The following AKAP6 variants were observed in gnomAD, a reference collection of about 807,000 sequenced individuals.
AKAP6 encodes A-kinase anchoring protein 6, also known as A-kinase anchor protein 6.
In AKAP6, 58 loss-of-function variants were observed where a neutral mutation model predicts 188.5. The ratio of observed to expected loss-of-function variants is 0.31; its 90% CI spans 0.25 to 0.38. AKAP6 has a LOEUF of 0.38. Ranked by LOEUF, AKAP6 falls within the 10% of genes least tolerant of loss-of-function variation. The pLI is 1.00. For synonymous variants in AKAP6, 989 were observed against 998.6 expected, an observed-to-expected ratio of 0.99 and a Z score of 0.18; for missense variants, 2,710 against 2,740.0, an observed-to-expected ratio of 0.99 and a Z score of 0.24.
intron 2 of AKAP6, among the ~76,000 whole-genome samples, chr14:32,475,643 T>G (rs1879023761): frequency 6.6e-6 from 1 of 151,620 alleles, no homozygotes; most frequent in African/African-American, 2.4e-5. Context: ...CTTAATCTGA[T>G]GAGCAGAGTC....
chr14:32,533,280 G>A (rs948414615), intron 2 of AKAP6, among the ~76,000 whole-genome samples: 2 of 152,172 alleles, frequency 1.3e-5, no homozygotes, highest in African/African-American at 2.4e-5. Flanking sequence ...GGAGGAAGAT[G>A]GTAAGGTTTA....
chr14:32,622,883 A>G (rs1761548663), intron 7 of AKAP6, among the ~76,000 whole-genome samples: 1 of 152,162 alleles, frequency 6.6e-6, no homozygotes, highest in Non-Finnish European at 1.5e-5. Flanking sequence ...GGAAGCAGAG[A>G]GAATGAATCT....
At chr14:32,759,116 T>C (rs374143182) in intron 11 of AKAP6, among the ~76,000 whole-genome samples, 2 of 152,232 alleles carry the variant, frequency 1.3e-5, no homozygotes, top group East Asian at 3.8e-4. Flanking sequence ...ATGGCCTAAC[T>C]TATCTCTTTT....
chr14:32,596,709 G>GAA (rs1885718284), intron 5 of AKAP6, among the ~76,000 whole-genome samples: 1 of 152,148 alleles, frequency 6.6e-6, no homozygotes, highest in African/African-American at 2.4e-5. Flanking sequence ...TATGGATATT[G>GAA]CAGAGGGACT....
At chr14:32,710,043 C>T (rs1006729066) in intron 9 of AKAP6, among the ~76,000 whole-genome samples, 2 of 151,906 alleles carry the variant, frequency 1.3e-5, no homozygotes, top group African/African-American at 4.8e-5. Flanking sequence ...TGGATTTCTC[C>T]ATCAGGTTTT....
chr14:32,555,226 C>G (rs533070697), intron 4 of AKAP6, among the ~76,000 whole-genome samples: 1 of 152,186 alleles, frequency 6.6e-6, no homozygotes, highest in Non-Finnish European at 1.5e-5. Flanking sequence ...GGTAGCAGCA[C>G]AAATGTGGCT....
chr14:32,498,287 A>G (rs898460122), intron 2 of AKAP6, among the ~76,000 whole-genome samples: 6 of 152,168 alleles, frequency 3.9e-5, no homozygotes, highest in Non-Finnish European at 8.8e-5. Flanking sequence ...ATGCTGGCTG[A>G]ATATCAGTCC....
At chr14:32,795,853 T>C (rs2033753371) in intron 12 of AKAP6, among the ~76,000 whole-genome samples, 1 of 152,178 alleles carries the variant, frequency 6.6e-6, no homozygotes, top group African/African-American at 2.4e-5. Flanking sequence ...CATCTTTGTT[T>C]GCAGATGACA....
At chr14:32,802,898 G>A (rs1489559915) in intron 12 of AKAP6, among the ~76,000 whole-genome samples, 1 of 152,152 alleles carries the variant, frequency 6.6e-6, no homozygotes, top group African/African-American at 2.4e-5. Flanking sequence ...AGTAGTTCAA[G>A]ACCAGCCTGG....
At chr14:32,738,552 T>G (rs2031539441) in intron 11 of AKAP6, among the ~76,000 whole-genome samples, 1 of 152,164 alleles carries the variant, frequency 6.6e-6, no homozygotes, top group African/African-American at 2.4e-5. Context: ...ATACACTAAT[T>G]ATGTAAGTCA....
chr14:32,447,685 C>G (rs191556232), intron 2 of AKAP6, among the ~76,000 whole-genome samples: 3 of 152,292 alleles, frequency 2.0e-5, no homozygotes, highest in Admixed American at 2.0e-4. Context: ...TTTATTAATT[C>G]AACTCTTCAA....
chr14:32,579,721 G>A (rs73255099), intron 5 of AKAP6, among the ~76,000 whole-genome samples: 1 of 152,024 alleles, frequency 6.6e-6, no homozygotes, highest in African/African-American at 2.4e-5. Context: ...GATCAATATT[G>A]TCATTTTTAT....
chr14:32,407,670 G>A (rs778773046), intron 1 of AKAP6, among the ~76,000 whole-genome samples: 4 of 152,152 alleles, frequency 2.6e-5, no homozygotes, highest in Non-Finnish European at 4.4e-5. Flanking sequence ...AGTTCCTAGT[G>A]TTTTTCAGGA....
At chr14:32,496,821 C>A (rs117814095) in intron 2 of AKAP6, among the ~76,000 whole-genome samples, 2,611 of 152,178 alleles carry the variant, frequency 0.017, 25 homozygotes, top group South Asian at 0.051. Context: ...GAAAGGTTAG[C>A]CTTAAGTGCC....
intron 4 of AKAP6, among the ~76,000 whole-genome samples, chr14:32,575,422 G>A (rs796335195): frequency 2.3e-4 from 35 of 152,202 alleles, no homozygotes; most frequent in African/African-American, 8.4e-4. Flanking sequence ...ACCTCACCTG[G>A]AAGAAAATCT....
At chr14:32,409,811 G>T (rs1889422371) in intron 1 of AKAP6, among the ~76,000 whole-genome samples, 1 of 152,120 alleles carries the variant, frequency 6.6e-6, no homozygotes, top group African/African-American at 2.4e-5. Context: ...CAGAACCTCA[G>T]AGGCATTCCA....
At chr14:32,787,852 G>A (rs1243291817) in intron 12 of AKAP6, among the ~76,000 whole-genome samples, 1 of 151,640 alleles carries the variant, frequency 6.6e-6, no homozygotes, top group Non-Finnish European at 1.5e-5. Flanking sequence ...ATATATGCAA[G>A]TACATTACAT....
chr14:32,490,622 C>A (rs1276956893), intron 2 of AKAP6, among the ~76,000 whole-genome samples: 1 of 152,080 alleles, frequency 6.6e-6, no homozygotes, highest in Non-Finnish European at 1.5e-5. Context: ...TTAGTGGGTT[C>A]TGAGCTCCAG....
intron 2 of AKAP6, among the ~76,000 whole-genome samples, chr14:32,510,405 T>A (rs1243560315): frequency 1.0e-5 from 1 of 98,030 alleles, no homozygotes; most frequent in Non-Finnish European, 2.0e-5. Flanking sequence ...TATATATATG[T>A]ATATATATGT....
Sources: allele counts gnomAD v4.1 joint callset (sites outside exome capture counted in the v4.1 genomes callset), GRCh38; gene constraint gnomAD v4.1.1; transcripts MANE v1.5; gene names NCBI Gene and HGNC (gene_info 2026-07-23, HGNC 2026-07-21).